The following EVA1C variants were observed in gnomAD, a reference collection of about 807,000 sequenced individuals.
The protein encoded by EVA1C is eva-1 homolog C.
Under a neutral mutation model 45.4 loss-of-function variants are expected in EVA1C, and 25 were observed. The observed-to-expected ratio is 0.55, with a 90% CI of 0.40 to 0.77. The LOEUF is 0.77. Among genes scored for constraint, EVA1C ranks in the 30% least tolerant of loss-of-function variants. The pLI is 0.00. For synonymous variants in EVA1C, 190 were observed against 221.2 expected (o/e 0.86, Z 1.25); for missense variants, 479 against 554.8 (o/e 0.86, Z 1.37).
At chr21:32,446,682 G>C (rs886411332) in intron 1 of EVA1C, among the ~76,000 whole-genome samples, 18 of 152,108 alleles carry the variant, frequency 1.2e-4, no homozygotes, top group Admixed American at 6.6e-5. Flanking sequence ...TTTTGTTTAA[G>C]GACAACCTTG....
intron 1 of EVA1C, among the ~76,000 whole-genome samples, chr21:32,418,677 G>T (rs1021378676): frequency 3.3e-5 from 5 of 152,132 alleles, no homozygotes; most frequent in African/African-American, 1.2e-4. Flanking sequence ...CCAGCACCAG[G>T]GCTGGCCAGA....
Position 32,412,917 on chromosome 21 carries a change from C to A in EVA1C, c.64C>A (p.Arg22Ser). The A allele has an allele frequency of 3.9e-6, 6 of 1,523,934 alleles. No homozygotes were observed. The highest frequency in any genetic ancestry group is 2.7e-5 in the East Asian group (1 of 37,438). The allele number at this position is 1,523,934 out of a possible 1,614,324, so 94.4% of individuals were successfully genotyped here. Reference protein sequence around the residue: ...TPQPVQHPGLRRQVEPPGQLL... With the variant: ...TPQPVQHPGLSRQVEPPGQLL... ...CCAGCCCGTGCAGCATCCCGGCCTC[C>A]GCCGGCAGGTAGAGCCGCCGGGGCA... The change falls in exon 1 of 8, where the codon CGC (arginine) becomes AGC (serine). Residue 22 changes from arginine (R) to serine (S), a missense_variant. Physicochemically the swap from Arg to Ser is moderately radical, Grantham distance 110 (BLOSUM62 -1). Coordinates refer to ENST00000300255, the MANE Select transcript of EVA1C (RefSeq NM_058187.5).
intron 4 of EVA1C, among the ~76,000 whole-genome samples, chr21:32,469,422 G>A (rs558768099): frequency 1.3e-5 from 2 of 152,286 alleles, no homozygotes; most frequent in African/African-American, 2.4e-5. Flanking sequence ...AAGAGTGGAC[G>A]CAACGCCCTG....
At chr21:32,503,105 A>T (rs1290031316) in intron 6 of EVA1C, among the ~76,000 whole-genome samples, 1 of 152,210 alleles carries the variant, frequency 6.6e-6, no homozygotes. Flanking sequence ...GCTAAGCTCC[A>T]TCCAGCAGTG....
At chr21:32,497,373 CT>C in intron 5 of EVA1C, 1 of 392,176 alleles carries the variant, frequency 2.5e-6, no homozygotes. Context: ...CTGGGGAAAA[CT>C]TTTTTCAGGT....
At chr21:32,502,050 T>A (rs1244408066) in intron 6 of EVA1C, among the ~76,000 whole-genome samples, 1 of 139,704 alleles carries the variant, frequency 7.2e-6, no homozygotes, top group Non-Finnish European at 1.5e-5. Flanking sequence ...CTTTCTTTCT[T>A]TCTTCTTTCT....
intron 4 of EVA1C, among the ~76,000 whole-genome samples, chr21:32,491,982 C>T (rs2037175682): frequency 6.6e-6 from 1 of 152,116 alleles, no homozygotes; most frequent in South Asian, 2.1e-4. Context: ...GGACTTGGGA[C>T]TGAATGGAGT....
At chr21:32,437,853 T>C (rs924030290) in intron 1 of EVA1C, among the ~76,000 whole-genome samples, 5 of 152,232 alleles carry the variant, frequency 3.3e-5, no homozygotes, top group Admixed American at 2.6e-4. Flanking sequence ...GTGGGTCTTC[T>C]TGGTGACGAA....
intron 1 of EVA1C, among the ~76,000 whole-genome samples, chr21:32,438,777 C>A (rs1178619819): frequency 1.3e-5 from 2 of 152,126 alleles, no homozygotes; most frequent in African/African-American, 4.8e-5. Context: ...AGATTTTCAA[C>A]TGAACCGTCC....
chr21:32,501,647 C>T lies in EVA1C; in HGVS notation c.859+152C>T, dbSNP rs1051911232. 1.9e-5 allele frequency: 17 copies of T among 887,740 alleles called. No homozygotes were observed. The East Asian group carries it at 2.2e-4, about 11-fold the overall frequency. 55.0% of individuals were successfully genotyped at this position (887,740 alleles called of 1,614,324 possible). ...TCCTGGTGATAATAGCGCTTATTAT[C>T]GGCCAATAGTTGCAAATGGTGAACA... On this transcript the variant is annotated intron_variant, in intron 6 of 7. Coordinates refer to ENST00000300255, the MANE Select transcript of EVA1C (RefSeq NM_058187.5).
At chr21:32,471,762 C>G (rs113086284) in intron 4 of EVA1C, among the ~76,000 whole-genome samples, 1,959 of 151,864 alleles carry the variant, frequency 0.013, 34 homozygotes, top group Admixed American at 0.038. Flanking sequence ...CCGAGTAACT[C>G]GAACTACAGG....
intron 3 of EVA1C, among the ~76,000 whole-genome samples, chr21:32,466,857 T>G (rs2146298438): frequency 6.6e-6 from 1 of 151,930 alleles, no homozygotes; most frequent in East Asian, 1.9e-4. Context: ...GATGAGGTCT[T>G]GCTATGTTTC....
chr21:32,436,902 G>A (rs1749772910), intron 1 of EVA1C, among the ~76,000 whole-genome samples: 1 of 152,216 alleles, frequency 6.6e-6, no homozygotes, highest in South Asian at 2.1e-4. Flanking sequence ...GCTCATGCCT[G>A]TAATCCCAGC....
intron 1 of EVA1C, among the ~76,000 whole-genome samples, chr21:32,416,111 A>G (rs1466068298): frequency 3.4e-5 from 3 of 87,016 alleles, no homozygotes; most frequent in Non-Finnish European, 6.6e-5. Flanking sequence ...TAGCAGCCAT[A>G]AAAAGCAAGG....
At chr21:32,419,740 C>A (rs1217303133) in intron 1 of EVA1C, among the ~76,000 whole-genome samples, 1 of 148,794 alleles carries the variant, frequency 6.7e-6, no homozygotes, top group Non-Finnish European at 1.5e-5. Flanking sequence ...AAAACAAAAA[C>A]AAACAAACAA....
At chr21:32,497,511 A>C (rs1313863797) in intron 5 of EVA1C, among the ~76,000 whole-genome samples, 1 of 152,214 alleles carries the variant, frequency 6.6e-6, no homozygotes, top group African/African-American at 2.4e-5. Flanking sequence ...TGGGAGAGAA[A>C]ATCATTACAG....
intron 3 of EVA1C, 87 bp from the exon 4 acceptor site, chr21:32,467,609 G>C: frequency 7.3e-7 from 1 of 1,364,008 alleles, no homozygotes. Flanking sequence ...TGCAGCCCCG[G>C]GGAAATGAGC....
intron 7 of EVA1C, among the ~76,000 whole-genome samples, chr21:32,509,926 G>A (rs941907729): frequency 8.6e-5 from 13 of 151,960 alleles, no homozygotes; most frequent in Non-Finnish European, 4.4e-5. Flanking sequence ...GAGAGGAAGC[G>A]GAAGTTCTCG....
chr21:32,458,393 T>C (rs1367697797), intron 3 of EVA1C, among the ~76,000 whole-genome samples: 2 of 152,064 alleles, frequency 1.3e-5, no homozygotes, highest in Admixed American at 6.6e-5. Context: ...AGATAAATCA[T>C]AGGTCACTGT....
Sources: allele counts gnomAD v4.1 joint callset (sites outside exome capture counted in the v4.1 genomes callset), GRCh38; gene constraint gnomAD v4.1.1; transcripts MANE v1.5; gene names NCBI Gene and HGNC (gene_info 2026-07-23, HGNC 2026-07-21).